IL6ST: variants seen among roughly 807,000 people sequenced by gnomAD.
IL6ST encodes interleukin 6 cytokine family signal transducer.
A neutral mutation model predicts 91.3 loss-of-function variants in IL6ST; 24 were observed. The ratio of observed to expected loss-of-function variants is 0.26; its 90% CI spans 0.19 to 0.37. The LOEUF is 0.37. Among genes scored for constraint, IL6ST ranks in the 10% least tolerant of loss-of-function variants. The probability of loss-of-function intolerance (pLI) is 1.00; values close to 1 mark genes in which losing one functional copy is unlikely to be tolerated. For missense variants in IL6ST, 914 were observed against 1,078.5 expected (o/e 0.85, Z 2.14); for synonymous variants, 351 against 373.6 (o/e 0.94, Z 0.70).
intron 3 of IL6ST, among the ~76,000 whole-genome samples, chr5:55,975,435 C>T (rs1476497974): frequency 6.6e-6 from 1 of 152,102 alleles, no homozygotes; most frequent in South Asian, 2.1e-4. Context: ...ACCATGCTTC[C>T]GCACAGCCTA....
chr5:55,961,569 C>T (rs745463164), intron 7 of IL6ST, among the ~76,000 whole-genome samples: 2 of 152,042 alleles, frequency 1.3e-5, no homozygotes, highest in Non-Finnish European at 2.9e-5. Context: ...ACCAACCTGG[C>T]CAACATGGTG....
intron 14 of IL6ST, chr5:55,950,173 A>G (rs4865999): frequency 0.96 from 475,621 of 493,044 alleles, 230,544 homozygotes; most frequent in African/African-American, 1. Context: ...CGAGGGAGGG[A>G]AAATGTATTT....
At position 55,936,162 on chromosome 5, in the gene IL6ST, G is replaced by A; in HGVS notation, c.*4920C>T. The A allele has an allele frequency of 4.4e-6, 1 of 226,942 alleles. No individual in the cohort carries two copies. Among genetic ancestry groups the A allele is most frequent in the South Asian group, 1.8e-4 (1 of 5,458 alleles). The allele number at this position is 226,942 out of a possible 1,614,324, so 14.1% of individuals were successfully genotyped here. ...TTCCTTCCAGGTGGACTTGCTGACT[G>A]ATTAGTTTCATATACTACTTAGTAA... On this transcript the variant is annotated 3_prime_UTR_variant, in exon 17 of 17. Transcript: ENST00000381298.
At chr5:55,957,182 A>T in intron 9 of IL6ST, 27 bp downstream of exon 9, 1 of 1,112,504 alleles carries the variant, frequency 9.0e-7, no homozygotes, top group Non-Finnish European at 1.3e-6. Flanking sequence ...GATTTATAAG[A>T]GATAAAATAT....
rs1321090028 is a variant in IL6ST, at chr5:55,940,306, GGGGAT to G, written c.*771_*775del. 4.7e-6 allele frequency: 1 copy of G among 212,262 alleles called. No homozygotes were observed. Among genetic ancestry groups the G allele is most frequent in the Non-Finnish European group, 9.5e-6 (1 of 104,856 alleles). 13.1% of individuals were successfully genotyped at this position (212,262 alleles called of 1,614,324 possible). A position where few individuals can be genotyped will look rare whatever the true frequency, so the allele number is the denominator to read the frequency against. ...TTTTTTAGATGCTTGAGATAGTTTGGGGGATCCCTAGCTCTTATCATGGCACTCTG... is the reference window on the plus strand; with the variant it reads ...TTTTTTAGATGCTTGAGATAGTTTGGCCCTAGCTCTTATCATGGCACTCTG... On this transcript the variant is annotated 3_prime_UTR_variant, in exon 17 of 17. Transcript: ENST00000381298.
At chr5:55,991,491 T>C (rs929198044) in intron 1 of IL6ST, among the ~76,000 whole-genome samples, 3 of 152,114 alleles carry the variant, frequency 2.0e-5, no homozygotes, top group African/African-American at 7.2e-5. Context: ...CTAACCTAAT[T>C]TGGACATTGA....
intron 11 of IL6ST, among the ~76,000 whole-genome samples, chr5:55,954,583 C>A (rs1228523595): frequency 1.3e-5 from 2 of 152,124 alleles, no homozygotes; most frequent in African/African-American, 4.8e-5. Flanking sequence ...ACGATAAAAT[C>A]ATATTGGGGT....
chr5:55,976,414 G>C, intron 2 of IL6ST, 121 bp from the exon 3 acceptor site: 1 of 468,790 alleles, frequency 2.1e-6, no homozygotes, highest in Non-Finnish European at 3.7e-6. Context: ...ATTCTTATGA[G>C]AATGTAGAAA....
intron 14 of IL6ST, among the ~76,000 whole-genome samples, chr5:55,950,463 G>A (rs1341710015): frequency 1.3e-5 from 2 of 149,066 alleles, no homozygotes; most frequent in African/African-American, 2.5e-5. Context: ...TTGAACCTGG[G>A]AGGTGGAGGT....
intron 1 of IL6ST, among the ~76,000 whole-genome samples, chr5:55,987,573 T>C (rs995213447): frequency 7.9e-5 from 12 of 152,188 alleles, no homozygotes; most frequent in Non-Finnish European, 1.2e-4. Context: ...ACAGGGACTC[T>C]AGAACCAGAT....
At chr5:55,978,857 AAAAC>A (rs1484526260) in intron 2 of IL6ST, among the ~76,000 whole-genome samples, 4 of 1,592 alleles carry the variant, frequency 2.5e-3, no homozygotes, top group Non-Finnish European at 6.9e-3. Flanking sequence ...ATTAGACCTT[AAAAC>A]AAACAAAATC....
In IL6ST at chr5:55,979,387, T is replaced by C. The variant is rs537392599; in HGVS notation, c.-15-3094A>G. On this transcript the variant is annotated intron_variant, in intron 2 of 16. Coordinates refer to ENST00000381298, the MANE Select transcript of IL6ST (RefSeq NM_002184.4). ...GTATAAAAGGGGACATTCTGGGTGC[T>C]GAGCATGTTCTGTATCTTGATCTGG... Among the ~76,000 whole-genome samples, 3 of 152,334 alleles carry C rather than the reference T, an allele frequency of 2.0e-5. No individual in the cohort carries two copies. In the South Asian group the frequency reaches 6.2e-4, roughly 32 times the overall value.
In IL6ST at chr5:55,963,412, A is replaced by C; in HGVS notation, c.753T>G (p.Ser251Arg). ...GAATGTTATATTTTAGTATTATAACACTCTTAATACTTGGGTTGGTCCATG... is the reference window on the plus strand; with the variant it reads ...GAATGTTATATTTTAGTATTATAACCCTCTTAATACTTGGGTTGGTCCATG... Reference protein sequence around the residue: ...KLTWTNPSIKSVIILKYNIQY... With the variant: ...KLTWTNPSIKRVIILKYNIQY... The change falls in exon 7 of 17, where the codon AGT (serine) becomes AGG (arginine). Residue 251 changes from serine to arginine, a missense_variant. Physicochemically the swap from Ser to Arg is moderately radical, Grantham distance 110 (BLOSUM62 -1). Transcript: ENST00000381298. The C allele has an allele frequency of 6.3e-7, 1 of 1,595,118 alleles. No homozygotes were observed. The highest frequency in any genetic ancestry group is 1.1e-5 in the South Asian group (1 of 90,392).
chr5:55,993,780 A>T (rs1432241968), intron 1 of IL6ST, among the ~76,000 whole-genome samples: 3 of 152,220 alleles, frequency 2.0e-5, no homozygotes, highest in Admixed American at 6.5e-5. Context: ...AAATACTTCC[A>T]AATAGGAATT....
intron 3 of IL6ST, among the ~76,000 whole-genome samples, chr5:55,975,069 C>T (rs1467448894): frequency 6.6e-6 from 1 of 151,896 alleles, no homozygotes; most frequent in Admixed American, 6.6e-5. Flanking sequence ...ACTGTGACCT[C>T]GAGGTCCAGG....
chr5:55,982,628 T>C (rs1310787283), intron 2 of IL6ST, 96 bp downstream of exon 2: 5 of 395,410 alleles, frequency 1.3e-5, no homozygotes, highest in Non-Finnish European at 2.2e-5. Flanking sequence ...TTTAGTCTCC[T>C]AATATCCTAA....
chr5:55,973,506 G>A (rs535285051), intron 3 of IL6ST, among the ~76,000 whole-genome samples: 2 of 152,338 alleles, frequency 1.3e-5, no homozygotes, highest in African/African-American at 2.4e-5. Context: ...GCCATAAAAA[G>A]AGGCCACGTA....
At chr5:55,985,176 C>T (rs766971819) in intron 1 of IL6ST, among the ~76,000 whole-genome samples, 8 of 151,980 alleles carry the variant, frequency 5.3e-5, no homozygotes, top group South Asian at 2.1e-4. Context: ...AAGTTCAATT[C>T]ATCAATTTGT....
intron 15 of IL6ST, chr5:55,944,782 T>G (rs967672470): frequency 1.4e-6 from 1 of 733,680 alleles, no homozygotes; most frequent in Admixed American, 2.0e-5. Context: ...AAACATGGAA[T>G]GCCAGACGCT....
Sources: allele counts gnomAD v4.1 joint callset (sites outside exome capture counted in the v4.1 genomes callset), GRCh38; gene constraint gnomAD v4.1.1; transcripts MANE v1.5; gene names NCBI Gene and HGNC (gene_info 2026-07-23, HGNC 2026-07-21).